PLEC: variants seen among roughly 807,000 people sequenced by gnomAD.
PLEC encodes the protein hemidesmosomal protein 1.
In PLEC, 216 loss-of-function variants were observed where a neutral mutation model predicts 392.8. The ratio of observed to expected loss-of-function variants is 0.55; its 90% CI spans 0.49 to 0.62. PLEC has a LOEUF of 0.62. Ranked by LOEUF, PLEC falls within the 20% of genes least tolerant of loss-of-function variation. The probability of loss-of-function intolerance (pLI) is 0.00; values close to 1 mark genes in which losing one functional copy is unlikely to be tolerated. For missense variants in PLEC, 6,863 were observed against 6,563.4 expected, an observed-to-expected ratio of 1.05 and a Z score of -1.58; for synonymous variants, 3,621 against 2,980.6, an observed-to-expected ratio of 1.21 and a Z score of -7.00.
upstream of PLEC, chr8:143,944,085 C>CGCGGGTCCG: frequency 1.3e-6 from 1 of 748,366 alleles, no homozygotes; most frequent in Non-Finnish European, 2.1e-6. Flanking sequence ...CTCCTCCCTC[C>CGCGGGTCCG]GCGGGTCCGG....
At chr8:143,945,078 C>A in intron 1 of PLEC, 1 of 405,692 alleles carries the variant, frequency 2.5e-6, no homozygotes, top group Non-Finnish European at 4.8e-6. Flanking sequence ...CCTGCCAAGC[C>A]AGGGGGTGCT....
chr8:143,946,328 C>T (rs1554732178), intron 1 of PLEC: 9 of 1,287,198 alleles, frequency 7.0e-6, no homozygotes, highest in Non-Finnish European at 5.1e-6. Context: ...CCTCCCACAG[C>T]CCCCAGCTCT....
At position 143,921,826 on chromosome 8, in the gene PLEC, A is replaced by C; in HGVS notation, c.7995T>G (p.Ser2665Arg). Residue 2665 changes from serine (S) to arginine (R), a missense_variant, in exon 32 of 32, where the codon AGT (serine) becomes AGG (arginine). Coordinates refer to ENST00000345136, the MANE Select transcript of PLEC (RefSeq NM_201384.3). ...GCGCCAACCGCTGCAGCTCCTCCGCACTCAGGATGCCGGCCTCCTGCAGCC... is the reference window on the plus strand; with the variant it reads ...GCGCCAACCGCTGCAGCTCCTCCGCCCTCAGGATGCCGGCCTCCTGCAGCC... Reference protein sequence around the residue: ...AQRLQEAGILSAEELQRLAQG... With the variant: ...AQRLQEAGILRAEELQRLAQG... 6.2e-7 allele frequency: 1 copy of C among 1,607,316 alleles called. No homozygotes were observed. Among genetic ancestry groups the C allele is most frequent in the Non-Finnish European group, 8.5e-7 (1 of 1,179,730 alleles).
chr8:143,917,082 A>T lies in PLEC; in HGVS notation c.12739T>A (p.Ser4247Thr), dbSNP rs781966274. 25 of 1,606,304 alleles carry T rather than the reference A, an allele frequency of 1.6e-5. No individual in the cohort carries two copies. Among genetic ancestry groups the T allele is most frequent in the Non-Finnish European group, 2.1e-5 (25 of 1,174,476 alleles). The change falls in exon 32 of 32, where the codon TCC becomes ACC. Residue 4247 changes from serine to threonine, a missense_variant. Physicochemically the swap from Ser to Thr is moderately conservative, Grantham distance 58. Coordinates refer to ENST00000345136, the MANE Select transcript of PLEC (RefSeq NM_201384.3). ...GAGGAGGAGGATCCCACCGAGGAGGAACGGGAGCGGAAACCACCGGCGTTG... is the reference window on the plus strand; with the variant it reads ...GAGGAGGAGGATCCCACCGAGGAGGTACGGGAGCGGAAACCACCGGCGTTG... ...SGNAGGFRSR[S>T]SSVGSSSSYP...
In PLEC at chr8:143,923,630, G is replaced by A. The variant is rs782711037; in HGVS notation, c.6299C>T (p.Ala2100Val). The A allele has an allele frequency of 3.4e-5, 54 of 1,584,712 alleles. No homozygotes were observed. The highest frequency in any genetic ancestry group is 4.0e-5 in the Non-Finnish European group (47 of 1,173,140). ...CCGGGACTGCGCCGCCTCACGCTCCGCCTGCACCCGGGCCTCCTCCGCCTC... is the reference window on the plus strand; with the variant it reads ...CCGGGACTGCGCCGCCTCACGCTCCACCTGCACCCGGGCCTCCTCCGCCTC... ...AEEAEEARVQ[A>V]EREAAQSRRQ... The change falls in exon 31 of 32, where the codon GCG becomes GTG. Residue 2100 changes from alanine to valine, a missense_variant. Transcript: ENST00000345136.
At position 143,917,569 on chromosome 8, in the gene PLEC, C is replaced by T. The variant is rs569797718; in HGVS notation, c.12252G>A (p.Ser4084=). Residue 4084 remains serine, a synonymous_variant, in exon 32 of 32, where the codon TCG becomes TCA. Transcript: ENST00000345136. ...GGTCAAAGAAGCCCTTGGTGTCGTCCGAGGGGTCGGTCAGGATCTCGTTCA... is the reference window on the plus strand; with the variant it reads ...GGTCAAAGAAGCCCTTGGTGTCGTCTGAGGGGTCGGTCAGGATCTCGTTCA... ...EEMNEILTDP[S]DDTKGFFDPN... 83 of 1,613,912 alleles carry T rather than the reference C, an allele frequency of 5.1e-5. No homozygotes were observed. In the South Asian group the frequency reaches 6.3e-4, roughly 12 times the overall value.
At chr8:143,954,408 C>A (rs921027820), upstream of PLEC, among the ~76,000 whole-genome samples, 119 of 152,334 alleles carry the variant, frequency 7.8e-4, no homozygotes, top group Middle Eastern at 0.014. This position sits in a 1 kb window ranked among gnomAD's most constrained non-coding sequence, Gnocchi z 4.6. Flanking sequence ...CAGGTCCGAC[C>A]TGCACCCTGG....
upstream of PLEC, among the ~76,000 whole-genome samples, chr8:143,940,607 G>A (rs574001901): frequency 3.9e-4 from 59 of 152,320 alleles, no homozygotes; most frequent in Non-Finnish European, 2.9e-5. Flanking sequence ...CAGCCCACCC[G>A]ACCACCATAG....
In PLEC at chr8:143,922,693, C is replaced by A. The variant is rs781890455; in HGVS notation, c.7236G>T (p.Glu2412Asp). ...CCGTGCGGTGCAGCTTCTCACCGAT[C>A]TCCTCCGCCTGCTTCCGGAAGCGCT... ...DAQRFRKQAE[E>D]IGEKLHRTEL... Residue 2412 changes from glutamate (E) to aspartate (D), a missense_variant, in exon 31 of 32, where the codon GAG becomes GAT. Physicochemically the swap from Glu to Asp is conservative, Grantham distance 45. Transcript: ENST00000345136. 5 of 1,612,818 alleles carry A rather than the reference C, an allele frequency of 3.1e-6. No individual in the cohort carries two copies. The Admixed American group carries it at 6.7e-5, about 22-fold the overall frequency.
chr8:143,927,159 C>T (rs1554706762), intron 28 of PLEC, 78 bp from the exon 29 acceptor site: 2 of 1,566,866 alleles, frequency 1.3e-6, no homozygotes, highest in Non-Finnish European at 1.8e-6. Flanking sequence ...CTCACATGGG[C>T]TTTCCCTGGC....
Position 143,921,981 on chromosome 8 carries a change from C to G in PLEC, c.7840G>C (p.Glu2614Gln). ...GCAGCCACCTGCGAGGCAGTGACCT[C>G]CTCTGAGTGCGCCAGCGCGGCCCGG... ...QHRAALAHSEEVTASQVAATK... is the reference protein window; with the variant it reads ...QHRAALAHSEQVTASQVAATK... The change falls in exon 32 of 32, where the codon GAG becomes CAG. Residue 2614 changes from glutamate to glutamine, a missense_variant. Coordinates refer to ENST00000345136, the MANE Select transcript of PLEC (RefSeq NM_201384.3). 6.3e-7 allele frequency: 1 copy of G among 1,598,732 alleles called. No homozygotes were observed. The highest frequency in any genetic ancestry group is 8.5e-7 in the Non-Finnish European group (1 of 1,179,760).
chr8:143,959,700 A>T (rs1427612400), intron 1 of PLEC, among the ~76,000 whole-genome samples: 11 of 152,394 alleles, frequency 7.2e-5, no homozygotes, highest in African/African-American at 2.4e-4. Flanking sequence ...GAAATTGTTT[A>T]AAAATTGTGT....
At chr8:143,949,040 C>T (rs528309926) in intron 1 of PLEC, among the ~76,000 whole-genome samples, 1 of 152,334 alleles carries the variant, frequency 6.6e-6, no homozygotes, top group Non-Finnish European at 1.5e-5. Flanking sequence ...GAGGGGAGGC[C>T]AGCCTCCACC....
intron 20 of PLEC, 41 bp downstream of exon 20, chr8:143,930,343 G>A (rs781972429): frequency 1.9e-6 from 3 of 1,582,528 alleles, no homozygotes; most frequent in African/African-American, 2.7e-5. Context: ...ACCCTGCCCT[G>A]CCTGGCCACG....
rs781826576 is a variant in PLEC at position 143,935,179 on chromosome 8, G to T, written c.718+19C>A. 4 of 1,611,216 alleles carry T rather than the reference G, an allele frequency of 2.5e-6. No homozygotes were observed. Among genetic ancestry groups the T allele is most frequent in the Non-Finnish European group, 2.5e-6 (3 of 1,178,436 alleles). ...AGGCAGCAGGGGAAGGGACAGGGAG[G>T]AAGGCCACGCAGACGTACCCTCAGG... On this transcript the variant is annotated intron_variant, in intron 7 of 31. Transcript: ENST00000345136.
At position 143,919,416 on chromosome 8, in the gene PLEC, T is replaced by A; in HGVS notation, c.10405A>T (p.Ile3469Phe). 1 of 1,613,318 alleles carries A rather than the reference T, an allele frequency of 6.2e-7. No individual in the cohort carries two copies. The highest frequency in any genetic ancestry group is 8.5e-7 in the Non-Finnish European group (1 of 1,179,842). ...GGGTCGATGATGCCGCCCGTGGCGA[T>A]CTGGGCCTCCAGCAGGCGGATGCCG... Reference protein sequence around the residue: ...QHGIRLLEAQIATGGIIDPVH... With the variant: ...QHGIRLLEAQFATGGIIDPVH... Residue 3469 changes from isoleucine (I) to phenylalanine (F), a missense_variant, in exon 32 of 32, where the codon ATC (isoleucine) becomes TTC (phenylalanine). Ile to Phe is a conservative substitution (Grantham distance 21). Transcript: ENST00000345136.
At chr8:143,935,373 G>C in intron 6 of PLEC, 60 bp from the exon 7 acceptor site, 2 of 1,198,630 alleles carry the variant, frequency 1.7e-6, no homozygotes, top group South Asian at 2.5e-5. Context: ...ACACCACACA[G>C]GCGGGTGCAC....
chr8:143,937,555 G>A, intron 3 of PLEC: 1 of 490,682 alleles, frequency 2.0e-6, no homozygotes, highest in Non-Finnish European at 3.8e-6. Context: ...CCTGGCGGTG[G>A]CAGCCACAGC....
intron 30 of PLEC, 41 bp downstream of exon 30, chr8:143,926,743 A>G: frequency 1.3e-6 from 2 of 1,505,894 alleles, no homozygotes; most frequent in East Asian, 2.3e-5. Context: ...ACAGGTGGTG[A>G]GATGGAACCC....
Sources: allele counts gnomAD v4.1 joint callset (sites outside exome capture counted in the v4.1 genomes callset), GRCh38; gene constraint gnomAD v4.1.1; non-coding constraint Gnocchi (gnomAD v3.1); transcripts MANE v1.5; gene names NCBI Gene and HGNC (gene_info 2026-07-23, HGNC 2026-07-21).